The following ATP9A variants were observed in gnomAD, a reference collection of about 807,000 sequenced individuals.
ATP9A encodes the protein ATPase phospholipid transporting 9A.
A neutral mutation model predicts 144.1 loss-of-function variants in ATP9A; 52 were observed. The observed-to-expected ratio is 0.36, with a 90% CI of 0.29 to 0.45. The LOEUF (loss-of-function observed/expected upper bound fraction) is 0.45, where lower values mean the gene tolerates loss of function less well. Among genes scored for constraint, ATP9A ranks in the 20% least tolerant of loss-of-function variants. ATP9A has a pLI of 1.00. For missense variants in ATP9A, 947 were observed against 1,392.7 expected (o/e 0.68, Z 5.09); for synonymous variants, 582 against 557.4 (o/e 1.04, Z -0.62).
At chr20:51,632,219 C>T (rs1294869834) in intron 15 of ATP9A, among the ~76,000 whole-genome samples, 1 of 152,120 alleles carries the variant, frequency 6.6e-6, no homozygotes, top group Non-Finnish European at 1.5e-5. Flanking sequence ...GTAGCTGGGA[C>T]TACAGGTGTG....
chr20:51,668,037 C>T (rs550673871), intron 13 of ATP9A, among the ~76,000 whole-genome samples: 13 of 137,636 alleles, frequency 9.4e-5, no homozygotes, highest in African/African-American at 2.7e-5. Flanking sequence ...CCACTGCACT[C>T]CAGCCTGGGT....
chr20:51,665,704 G>A (rs1170295752), intron 13 of ATP9A, among the ~76,000 whole-genome samples: 2 of 149,030 alleles, frequency 1.3e-5, no homozygotes, highest in East Asian at 1.9e-4. Context: ...AGGATGGGGC[G>A]ACAGAGTGAG....
intron 17 of ATP9A, among the ~76,000 whole-genome samples, chr20:51,626,136 A>G (rs1403045439): frequency 6.6e-6 from 1 of 152,210 alleles, no homozygotes; most frequent in Non-Finnish European, 1.5e-5. Flanking sequence ...AATCTATGGG[A>G]TGGGATGACA....
intron 25 of ATP9A, 39 bp from the exon 26 acceptor site, chr20:51,607,623 G>A (rs567449180): frequency 2.0e-5 from 30 of 1,519,774 alleles, no homozygotes; most frequent in Non-Finnish European, 2.5e-5. Flanking sequence ...CCGGTTTCGC[G>A]GGGGGCTCAC....
intron 6 of ATP9A, among the ~76,000 whole-genome samples, chr20:51,695,463 A>G (rs990836332): frequency 1.4e-5 from 1 of 73,238 alleles, no homozygotes; most frequent in Non-Finnish European, 2.7e-5. Context: ...ACCCGGTCTC[A>G]AGGAAAAAAA....
At chr20:51,614,677 C>T (rs2077196339) in intron 22 of ATP9A, among the ~76,000 whole-genome samples, 1 of 152,140 alleles carries the variant, frequency 6.6e-6, no homozygotes, top group Admixed American at 6.6e-5. Flanking sequence ...GGATACGACA[C>T]AACAGGAAGA....
rs181797910 is a variant in ATP9A at position 51,600,306 on chromosome 20, T to C, written c.*905A>G. 6.6e-6 allele frequency: 1 copy of C among 152,350 alleles called. No individual in the cohort carries two copies. The highest frequency in any genetic ancestry group is 1.9e-4 in the East Asian group (1 of 5,188). The allele number at this position is 152,350 out of a possible 1,614,324, so 9.4% of individuals were successfully genotyped here. On this transcript the variant is annotated 3_prime_UTR_variant, in exon 28 of 28. Coordinates refer to ENST00000338821, the MANE Select transcript of ATP9A (RefSeq NM_006045.3). ...AGGATCTGAGTCACATCTGCCATGT[T>C]GCCTAAAGAATTAGTTGAGTCTCTT...
At chr20:51,751,739 C>G (rs1332500029) in intron 1 of ATP9A, among the ~76,000 whole-genome samples, 2 of 152,158 alleles carry the variant, frequency 1.3e-5, no homozygotes, top group Non-Finnish European at 2.9e-5. Flanking sequence ...AGGCGCCCAC[C>G]ACCACGCCCG....
intron 4 of ATP9A, among the ~76,000 whole-genome samples, chr20:51,699,881 T>C (rs1384712092): frequency 1.3e-5 from 2 of 152,040 alleles, no homozygotes; most frequent in African/African-American, 2.4e-5. Flanking sequence ...GACCTCGTGA[T>C]CCACCCGCCT....
intron 8 of ATP9A, 101 bp from the exon 9 acceptor site, chr20:51,689,240 C>T: frequency 8.4e-7 from 1 of 1,195,352 alleles, no homozygotes; most frequent in Non-Finnish European, 1.2e-6. Flanking sequence ...GACAGGCTCC[C>T]CCCGATGAAC....
intron 1 of ATP9A, among the ~76,000 whole-genome samples, chr20:51,754,957 A>T (rs1410068745): frequency 6.6e-6 from 1 of 151,808 alleles, no homozygotes; most frequent in African/African-American, 2.4e-5. Flanking sequence ...TAAAAAAAAA[A>T]AAATACAAAA....
chr20:51,757,403 T>G (rs1467148505), intron 1 of ATP9A, among the ~76,000 whole-genome samples: 2 of 152,102 alleles, frequency 1.3e-5, no homozygotes, highest in African/African-American at 4.8e-5. Flanking sequence ...AGGGCACTGT[T>G]GACACTACAA....
rs10578719 is a variant in ATP9A at position 51,702,365 on chromosome 20, CGTGTGTGTGTGT to C, written c.437-4895_437-4884del. Among the ~76,000 whole-genome samples the C allele has an allele frequency of 6.2e-3, 806 of 130,296 alleles. 14 individuals carry two copies. Among genetic ancestry groups the C allele is most frequent in the African/African-American group, 0.021 (755 of 36,072 alleles). The allele number at this position is 130,296 out of a possible 152,430, so 85.5% of individuals were successfully genotyped here. A position where few individuals can be genotyped will look rare whatever the true frequency, so the allele number is the denominator to read the frequency against. On this transcript the variant is annotated intron_variant, in intron 4 of 27. Coordinates refer to ENST00000338821, the MANE Select transcript of ATP9A (RefSeq NM_006045.3). ...CTTCATGCTTCATGGTGTGTGTGTT[CGTGTGTGTGTGT>C]GTGTGTGTGTGTGTGTGTGTGTGTG...
At chr20:51,706,692 G>A (rs1021285205) in intron 4 of ATP9A, among the ~76,000 whole-genome samples, 4 of 152,220 alleles carry the variant, frequency 2.6e-5, no homozygotes, top group African/African-American at 9.6e-5. Flanking sequence ...AGAGACTGCA[G>A]TGAACTGTGA....
intron 9 of ATP9A, among the ~76,000 whole-genome samples, chr20:51,676,825 A>G (rs1238797468): frequency 9.3e-5 from 14 of 150,844 alleles, no homozygotes; most frequent in Admixed American, 9.2e-4. Flanking sequence ...CACGTTGGCC[A>G]GGCTGGTCTT....
chr20:51,734,616 T>G (rs2077755735), intron 1 of ATP9A: 1 of 151,912 alleles, frequency 6.6e-6, no homozygotes, highest in South Asian at 2.1e-4. Context: ...TCCACGTGTA[T>G]CCCATTTTGG....
intron 9 of ATP9A, among the ~76,000 whole-genome samples, chr20:51,688,330 C>T (rs368809530): frequency 6.6e-6 from 1 of 152,174 alleles, no homozygotes; most frequent in Non-Finnish European, 1.5e-5. Flanking sequence ...CAGTGGCTCA[C>T]ATCTGTAATC....
intron 3 of ATP9A, among the ~76,000 whole-genome samples, chr20:51,716,827 T>C (rs1481802895): frequency 6.6e-6 from 1 of 152,190 alleles, no homozygotes; most frequent in African/African-American, 2.4e-5. Context: ...GGATCATTCC[T>C]TTTTACAGAT....
chr20:51,684,117 C>T (rs933937577), intron 9 of ATP9A, among the ~76,000 whole-genome samples: 8 of 152,044 alleles, frequency 5.3e-5, no homozygotes, highest in Middle Eastern at 3.4e-3. Flanking sequence ...CCCAGGAGGT[C>T]GAGGCTGCAG....
Sources: allele counts gnomAD v4.1 joint callset (sites outside exome capture counted in the v4.1 genomes callset), GRCh38; gene constraint gnomAD v4.1.1; transcripts MANE v1.5; gene names NCBI Gene and HGNC (gene_info 2026-07-23, HGNC 2026-07-21).